KCNQ1: variants seen among roughly 807,000 people sequenced by gnomAD.
The protein encoded by KCNQ1 is potassium voltage-gated channel subfamily KQT member 1.
In KCNQ1, 49 loss-of-function variants were observed where a neutral mutation model predicts 72.4. The observed-to-expected ratio is 0.68, with a 90% CI of 0.54 to 0.86. The LOEUF is 0.86. KCNQ1 is among the 40% of genes least tolerant of loss of function. The pLI, the probability that KCNQ1 is intolerant of heterozygous loss-of-function variation, is 0.00. For synonymous variants in KCNQ1, 450 were observed against 412.6 expected, an observed-to-expected ratio of 1.09 and a Z score of -1.10; for missense variants, 790 against 945.1, an observed-to-expected ratio of 0.84 and a Z score of 2.15.
rs1846224750 is a variant in KCNQ1, at chr11:2,458,314, A to G, written c.386+12830A>G. Reference sequence around the variant, plus strand: ...AGTGGACTTTGATTTGCATTTCTCTAAAGATCTGTGGAGGTCAATAGGGAG... The same window carrying G: ...AGTGGACTTTGATTTGCATTTCTCTGAAGATCTGTGGAGGTCAATAGGGAG... On this transcript the variant is annotated intron_variant, in intron 1 of 15. Coordinates refer to ENST00000155840, the MANE Select transcript of KCNQ1 (RefSeq NM_000218.3). This position sits in a 1 kb window ranked among gnomAD's most constrained non-coding sequence, Gnocchi z 4.6. Among the ~76,000 whole-genome samples, 3 of 152,204 alleles carry G rather than the reference A, an allele frequency of 2.0e-5. No homozygotes were observed. Among genetic ancestry groups the G allele is most frequent in the Non-Finnish European group, 2.9e-5 (2 of 68,034 alleles).
Position 2,695,735 on chromosome 11 carries a change from G to C in KCNQ1, c.1514+33654G>C. 5.0e-6 allele frequency: 2 copies of C among 398,638 alleles called. No homozygotes were observed. The highest frequency in any genetic ancestry group is 4.4e-6 in the Non-Finnish European group (1 of 226,074). 24.7% of individuals were successfully genotyped at this position (398,638 alleles called of 1,614,324 possible). On this transcript the variant is annotated intron_variant, in intron 11 of 15. Coordinates refer to ENST00000155840, the MANE Select transcript of KCNQ1 (RefSeq NM_000218.3). The surrounding 1 kb of genome is among the most constrained non-coding windows in gnomAD (Gnocchi z 5.2). The stretch of plus-strand genomic sequence containing the variant: ...GTCCCCACCTGCAGCACACAGGGAG[G>C]CTTGTTCCTTGCCTTCTGCCAACAC...
intron 11 of KCNQ1, among the ~76,000 whole-genome samples, chr11:2,757,070 A>G (rs768794322): frequency 2.0e-5 from 3 of 151,162 alleles, no homozygotes; most frequent in Non-Finnish European, 4.4e-5. Context: ...ATCTGTTCTC[A>G]CCACTTCTAT....
chr11:2,660,054 A>C (rs1849923232), intron 10 of KCNQ1: 1 of 398,280 alleles, frequency 2.5e-6, no homozygotes, highest in African/African-American at 2.1e-5. Context: ...ATAAAGTCCA[A>C]TTTGTTGATT....
intron 15 of KCNQ1, among the ~76,000 whole-genome samples, chr11:2,794,071 G>A (rs1003325934): frequency 2.0e-5 from 3 of 152,326 alleles, no homozygotes; most frequent in Middle Eastern, 3.4e-3. Flanking sequence ...GAGCTGGTGA[G>A]CGAGGGATGG....
chr11:2,523,971 T>A (rs920656369), intron 1 of KCNQ1, among the ~76,000 whole-genome samples: 1 of 152,044 alleles, frequency 6.6e-6, no homozygotes, highest in Non-Finnish European at 1.5e-5. Context: ...GGCTGTCGCT[T>A]GGCTGAACGG....
chr11:2,576,837 C>T (rs1312700693), intron 6 of KCNQ1, among the ~76,000 whole-genome samples: 5 of 152,228 alleles, frequency 3.3e-5, no homozygotes, highest in East Asian at 1.9e-4. Flanking sequence ...CGCCGTGGGC[C>T]GAGGGGCGGC....
At chr11:2,632,182 CAAAAAAA>C in intron 10 of KCNQ1, 14 of 310,358 alleles carry the variant, frequency 4.5e-5, no homozygotes, top group Admixed American at 1.3e-4. Flanking sequence ...GACTCTGCCT[CAAAAAAA>C]AAAAAAAAAA....
rs1847626019 is a variant in KCNQ1, at chr11:2,816,949, G to T, written c.1795-30818G>T. On this transcript the variant is annotated intron_variant, in intron 15 of 15. Transcript: ENST00000155840. This position sits in a 1 kb window ranked among gnomAD's most constrained non-coding sequence, Gnocchi z 6.8. ...GGGCAGTGGCTGCCCCTCTGCCTCT[G>T]GAGGTCCCCTCCAAAACCTTGGTCC... Among the ~76,000 whole-genome samples, 1 of 152,072 alleles carries T rather than the reference G, an allele frequency of 6.6e-6. No individual in the cohort carries two copies. Among genetic ancestry groups the T allele is most frequent in the Admixed American group, 6.5e-5 (1 of 15,280 alleles).
At position 2,803,091 on chromosome 11, in the gene KCNQ1, G is replaced by A. The variant is rs778467113; in HGVS notation, c.1794+25054G>A. Among the ~76,000 whole-genome samples the A allele has an allele frequency of 1.5e-4, 23 of 152,188 alleles. No individual in the cohort carries two copies. The highest frequency in any genetic ancestry group is 1.2e-3 in the Admixed American group (19 of 15,290). On this transcript the variant is annotated intron_variant, in intron 15 of 15. Coordinates refer to ENST00000155840, the MANE Select transcript of KCNQ1 (RefSeq NM_000218.3). This position sits in a 1 kb window ranked among gnomAD's most constrained non-coding sequence, Gnocchi z 6.4. ...GAGTGCCCATCAGCCGGAAGGCCAC[G>A]GGAGTCAATGGTGAGGGGCAGAGTG...
Position 2,600,847 on chromosome 11 carries a change from G to T in KCNQ1, c.1393+11993G>T, listed in dbSNP as rs1023676955. 2.6e-5 allele frequency among the ~76,000 whole-genome samples: 4 copies of T among 152,138 alleles called. No individual in the cohort carries two copies. Among genetic ancestry groups the T allele is most frequent in the African/African-American group, 9.7e-5 (4 of 41,436 alleles). The stretch of plus-strand genomic sequence containing the variant: ...TACAGTCCTGCCACTTCTTGGGGGA[G>T]TCTGATGTTTCCTCAGGTTAGATCC... On this transcript the variant is annotated intron_variant, in intron 10 of 15. Transcript: ENST00000155840. This position sits in a 1 kb window ranked among gnomAD's most constrained non-coding sequence, Gnocchi z 5.6.
chr11:2,726,511 G>A (rs1845766966), intron 11 of KCNQ1, among the ~76,000 whole-genome samples: 2 of 152,126 alleles, frequency 1.3e-5, no homozygotes, highest in African/African-American at 4.8e-5. Flanking sequence ...GCAGGTTCCA[G>A]CCGTCCCCCA....
rs1847428797 is a variant in KCNQ1 at position 2,808,845 on chromosome 11, G to A, written c.1794+30808G>A. Among the ~76,000 whole-genome samples the A allele has an allele frequency of 6.6e-6, 1 of 152,148 alleles. No homozygotes were observed. The highest frequency in any genetic ancestry group is 2.1e-4 in the South Asian group (1 of 4,822). On this transcript the variant is annotated intron_variant, in intron 15 of 15. Coordinates refer to ENST00000155840, the MANE Select transcript of KCNQ1 (RefSeq NM_000218.3). This position sits in a 1 kb window ranked among gnomAD's most constrained non-coding sequence, Gnocchi z 6.0. ...TTAATGGATGGACAGATTGTTGTAT[G>A]GAGGATTAGGGGAGGGATAAATGGA...
At chr11:2,571,189 T>G in intron 3 of KCNQ1, 136 bp from the exon 4 acceptor site, 3 of 757,916 alleles carry the variant, frequency 4.0e-6, no homozygotes, top group Non-Finnish European at 7.0e-6. Context: ...CCGAGGTGTC[T>G]CCATGTCCCC....
intron 2 of KCNQ1, among the ~76,000 whole-genome samples, chr11:2,556,966 C>T (rs764361586): frequency 6.6e-6 from 1 of 152,226 alleles, no homozygotes; most frequent in Non-Finnish European, 1.5e-5. Context: ...TCAAATGCCT[C>T]CAACTTCACA....
In KCNQ1 at chr11:2,498,955, A is replaced by C. The variant is rs1846964562; in HGVS notation, c.387-28973A>C. Among the ~76,000 whole-genome samples, 1 of 152,206 alleles carries C rather than the reference A, an allele frequency of 6.6e-6. No homozygotes were observed. Among genetic ancestry groups the C allele is most frequent in the African/African-American group, 2.4e-5 (1 of 41,450 alleles). ...AACTGCATGCAAACTGCATGTTTGC[A>C]GTTCCCTCGGCTGGGGGAGGGAGGT... On this transcript the variant is annotated intron_variant, in intron 1 of 15. Coordinates refer to ENST00000155840, the MANE Select transcript of KCNQ1 (RefSeq NM_000218.3). The surrounding 1 kb of genome is among the most constrained non-coding windows in gnomAD (Gnocchi z 4.8).
chr11:2,571,480 G>GCCC, intron 4 of KCNQ1, 77 bp downstream of exon 4: 2 of 1,212,250 alleles, frequency 1.6e-6, no homozygotes, highest in South Asian at 2.4e-5. Context: ...GTGGTCTCAC[G>GCCC]CCCCATCCAC....
At chr11:2,839,541 C>T (rs569070123) in intron 15 of KCNQ1, among the ~76,000 whole-genome samples, 27 of 151,874 alleles carry the variant, frequency 1.8e-4, no homozygotes, top group African/African-American at 5.8e-4. Flanking sequence ...CATAGACCCC[C>T]TGGGGGCTAT....
chr11:2,665,196 C>A, intron 11 of KCNQ1: 1 of 398,700 alleles, frequency 2.5e-6, no homozygotes, highest in Non-Finnish European at 4.4e-6. Context: ...TCGAACACAC[C>A]TTTCAGGCAG....
chr11:2,585,401 C>T, intron 8 of KCNQ1, 94 bp downstream of exon 8: 2 of 1,143,232 alleles, frequency 1.7e-6, no homozygotes. Flanking sequence ...CATCATTGGC[C>T]CCTGCATCAG....
Sources: allele counts gnomAD v4.1 joint callset (sites outside exome capture counted in the v4.1 genomes callset), GRCh38; gene constraint gnomAD v4.1.1; non-coding constraint Gnocchi (gnomAD v3.1); transcripts MANE v1.5; gene names NCBI Gene and HGNC (gene_info 2026-07-23, HGNC 2026-07-21).